The following KLF4 variants were observed in gnomAD, a reference collection of about 807,000 sequenced individuals.
KLF4 encodes the protein Krueppel-like factor 4.
A neutral mutation model predicts 38.0 loss-of-function variants in KLF4; 14 were observed. The observed-to-expected ratio is 0.37, with a 90% confidence interval of 0.24 to 0.58. KLF4 has a LOEUF of 0.58. KLF4 is among the 20% of genes least tolerant of loss of function. The pLI, the probability that KLF4 is intolerant of heterozygous loss-of-function variation, is 0.76. For synonymous variants in KLF4, 398 were observed against 302.5 expected (o/e 1.32, Z -3.28); for missense variants, 737 against 670.1 (o/e 1.10, Z -1.10).
rs1456263609 is a variant in KLF4, at chr9:107,489,227, C to A, written c.-55G>T. The A allele has an allele frequency of 4.9e-6, 7 of 1,443,192 alleles. No homozygotes were observed. Among genetic ancestry groups the A allele is most frequent in the Non-Finnish European group, 5.5e-6 (6 of 1,095,432 alleles). The allele number at this position is 1,443,192 out of a possible 1,614,324, so 89.4% of individuals were successfully genotyped here. The stretch of plus-strand genomic sequence containing the variant: ...GCCCGAAGCAGCTGGGGCACCTGAA[C>A]CCCAAAGTCAACGAAGAGAAGAAAC... On this transcript the variant is annotated 5_prime_UTR_variant, in exon 1 of 5. Coordinates refer to ENST00000374672, the MANE Select transcript of KLF4 (RefSeq NM_004235.6).
rs914437662 is a variant in KLF4, at chr9:107,487,461, G to A, written c.933C>T (p.Leu311=). Residue 311 remains leucine (L), a synonymous_variant, in exon 3 of 5, where the codon CTC becomes CTT. Transcript: ENST00000374672. This position sits in a 1 kb window ranked among gnomAD's most constrained non-coding sequence, Gnocchi z 6.1. ...CCAGGGTCGGGGTAGTCCTGCTGGG[G>A]AGCTGCCGCCCCAGGGGGAAGTCGT... ...AAHDFPLGRQ[L]PSRTTPTLGL... 47 of 1,535,194 alleles carry A rather than the reference G, an allele frequency of 3.1e-5. No individual in the cohort carries two copies. Among genetic ancestry groups the A allele is most frequent in the Non-Finnish European group, 3.8e-5 (44 of 1,143,150 alleles).
At position 107,488,571 on chromosome 9, in the gene KLF4, T is replaced by A; in HGVS notation, c.127-304A>T. On this transcript the variant is annotated intron_variant, in intron 2 of 4. Transcript: ENST00000374672. The surrounding 1 kb of genome is among the most constrained non-coding windows in gnomAD (Gnocchi z 5.7). ...GTCCCCGGAATTGGCACACCGAGGC[T>A]CTCTCGGTGCGCTCTCGCCACGGGG... The A allele has an allele frequency of 4.1e-6, 2 of 486,654 alleles. No individual in the cohort carries two copies. Among genetic ancestry groups the A allele is most frequent in the Admixed American group, 7.7e-5 (2 of 25,884 alleles). The allele number at this position is 486,654 out of a possible 1,614,324, so 30.1% of individuals were successfully genotyped here.
In KLF4 at chr9:107,487,138, C is replaced by T. The variant is rs536679242; in HGVS notation, c.1154G>A (p.Arg385Lys). 2 of 1,614,204 alleles carry T rather than the reference C, an allele frequency of 1.2e-6. No individual in the cohort carries two copies. Among genetic ancestry groups the T allele is most frequent in the East Asian group, 4.5e-5 (2 of 44,862 alleles). The change falls in exon 4 of 5, where the codon AGA becomes AAA. Residue 385 changes from arginine to lysine, a missense_variant. Physicochemically the swap from Arg to Lys is conservative, Grantham distance 26. Transcript: ENST00000374672. The surrounding 1 kb of genome is among the most constrained non-coding windows in gnomAD (Gnocchi z 6.1). ...MPEEPKPKRG[R>K]RSWPRKRTAT... is the part of the protein sequence containing the mutation. ...GGTCCTTTTCCGGGGCCACGATCGT[C>T]TTCCCCTCTTTGGCTTGGGCTCCTC...
In KLF4 at chr9:107,488,215, C is replaced by T. The variant is rs1829122391; in HGVS notation, c.179G>A (p.Gly60Asp). 1 of 1,611,312 alleles carries T rather than the reference C, an allele frequency of 6.2e-7. No homozygotes were observed. The highest frequency in any genetic ancestry group is 2.2e-5 in the East Asian group (1 of 44,850). The change falls in exon 3 of 5, where the codon GGC becomes GAC. Residue 60 changes from glycine to aspartate, a missense_variant. By Grantham distance (94) the Gly-to-Asp change is moderately conservative. Around this residue, in one of 2 missense-constraint regions of KLF4, gnomAD observed 695 missense variants for 554.5 expected, o/e 1.25. Transcript: ENST00000374672. This position sits in a 1 kb window ranked among gnomAD's most constrained non-coding sequence, Gnocchi z 5.7. ...CGCCGCCGCCAGGTCATAGGGGCGG[C>T]CGGGAAGCACTGGGGGAAGTCGCTT... ...HMKRLPPVLP[G>D]RPYDLAAATV...
Position 107,487,750 on chromosome 9 carries a change from G to A in KLF4, c.644C>T (p.Pro215Leu), listed in dbSNP as rs747308187. 3 of 1,574,748 alleles carry A rather than the reference G, an allele frequency of 1.9e-6. No homozygotes were observed. The highest frequency in any genetic ancestry group is 2.6e-6 in the Non-Finnish European group (3 of 1,160,680). The change falls in exon 3 of 5, where the codon CCG becomes CTG. Residue 215 changes from proline (P) to leucine (L), a missense_variant. This residue lies in a region of KLF4 where 695 missense variants were observed against 554.5 expected (regional missense o/e 1.25). Coordinates refer to ENST00000374672, the MANE Select transcript of KLF4 (RefSeq NM_004235.6). The surrounding 1 kb of genome is among the most constrained non-coding windows in gnomAD (Gnocchi z 6.1). ...GCCACCTGGCGGCTGCGGCTGCTGCGGCGGAATGTACACCGGGTCCAATTC... is the reference window on the plus strand; with the variant it reads ...GCCACCTGGCGGCTGCGGCTGCTGCAGCGGAATGTACACCGGGTCCAATTC... ...RPELDPVYIP[P>L]QQPQPPGGGL...
Sources: allele counts gnomAD v4.1 joint callset, GRCh38; gene constraint gnomAD v4.1.1; regional missense constraint gnomAD v4.1.1; non-coding constraint Gnocchi (gnomAD v3.1); transcripts MANE v1.5; gene names NCBI Gene and HGNC (gene_info 2026-07-23, HGNC 2026-07-21).